The following NUMB variants were observed in gnomAD, a reference collection of about 807,000 sequenced individuals.
The protein encoded by NUMB is protein numb homolog.
A neutral mutation model predicts 59.7 loss-of-function variants in NUMB; 29 were observed. The observed-to-expected ratio is 0.49, with a 90% confidence interval of 0.36 to 0.66. The LOEUF (loss-of-function observed/expected upper bound fraction) is 0.66. Among genes scored for constraint, NUMB ranks in the 30% least tolerant of loss-of-function variants. NUMB has a pLI of 0.00. For missense variants in NUMB, 723 were observed against 822.0 expected, an observed-to-expected ratio of 0.88 and a Z score of 1.47; for synonymous variants, 288 against 288.2, an observed-to-expected ratio of 1.00 and a Z score of 0.01.
chr14:73,311,937 T>C (rs557472499), intron 6 of NUMB, among the ~76,000 whole-genome samples: 58 of 152,236 alleles, frequency 3.8e-4, no homozygotes, highest in African/African-American at 1.4e-3. Context: ...ATTCAAAAGA[T>C]TCCAAATTAA....
At chr14:73,450,616 G>A (rs61987087) in intron 1 of NUMB, among the ~76,000 whole-genome samples, 23,763 of 151,880 alleles carry the variant, frequency 0.16, 2,681 homozygotes, top group Non-Finnish European at 0.23. Context: ...CCAATATGGC[G>A]GAACCCTGTT....
chr14:73,348,201 T>C (rs549194356), intron 4 of NUMB, among the ~76,000 whole-genome samples: 211 of 152,266 alleles, frequency 1.4e-3, no homozygotes, highest in Middle Eastern at 3.4e-3. Context: ...ATATGGAAAA[T>C]ACATTCCAAA....
chr14:73,393,680 T>C (rs996526200), intron 2 of NUMB, among the ~76,000 whole-genome samples: 24 of 152,350 alleles, frequency 1.6e-4, no homozygotes, highest in African/African-American at 5.8e-4. Flanking sequence ...CAATGAAATA[T>C]GGCAAACCTG....
At chr14:73,441,499 A>T (rs1883064402) in intron 1 of NUMB, among the ~76,000 whole-genome samples, 1 of 151,964 alleles carries the variant, frequency 6.6e-6, no homozygotes, top group African/African-American at 2.4e-5. Flanking sequence ...ATCACGCCAC[A>T]CACTCCAGCC....
At position 73,275,638 on chromosome 14, in the gene NUMB, G is replaced by C. The variant is rs1888102810; in HGVS notation, c.*940C>G. 1 of 152,124 alleles carries C rather than the reference G, an allele frequency of 6.6e-6. No individual in the cohort carries two copies. Among genetic ancestry groups the C allele is most frequent in the African/African-American group, 2.4e-5 (1 of 41,418 alleles). 9.4% of individuals were successfully genotyped at this position (152,124 alleles called of 1,614,324 possible). On this transcript the variant is annotated 3_prime_UTR_variant, in exon 13 of 13. Transcript: ENST00000555238. The stretch of plus-strand genomic sequence containing the variant: ...ATTCTCTATAGAGCATATTTCGATT[G>C]ATTCCATTAAAATAATGACATTAGA...
chr14:73,292,645 TGTA>T (rs1474498461), intron 8 of NUMB, 86 bp downstream of exon 8: 5 of 1,320,182 alleles, frequency 3.8e-6, no homozygotes, highest in Non-Finnish European at 5.2e-6. Context: ...TTGTTAAAAA[TGTA>T]GTAGAAACCG....
intron 1 of NUMB, among the ~76,000 whole-genome samples, chr14:73,433,733 AAT>A (rs1298714138): frequency 6.6e-6 from 1 of 152,166 alleles, no homozygotes. Context: ...TCACCCCTGA[AAT>A]ATATGACAGG....
At chr14:73,300,580 G>A (rs1238992478) in intron 6 of NUMB, among the ~76,000 whole-genome samples, 1 of 152,040 alleles carries the variant, frequency 6.6e-6, no homozygotes, top group Non-Finnish European at 1.5e-5. Context: ...ATCAAAGGCA[G>A]GTTAATTTAA....
chr14:73,416,608 A>C (rs1406536717), intron 1 of NUMB, among the ~76,000 whole-genome samples: 1 of 152,160 alleles, frequency 6.6e-6, no homozygotes, highest in Non-Finnish European at 1.5e-5. Context: ...TGGGAGGCCA[A>C]GGAGGGAGGA....
intron 5 of NUMB, among the ~76,000 whole-genome samples, chr14:73,317,787 A>C (rs959739942): frequency 1.3e-5 from 2 of 152,254 alleles, no homozygotes; most frequent in African/African-American, 2.4e-5. Context: ...GTTTGAACTC[A>C]CACAAGCTAG....
chr14:73,288,230 A>G (rs1889141370), intron 8 of NUMB, among the ~76,000 whole-genome samples: 1 of 151,594 alleles, frequency 6.6e-6, no homozygotes, highest in African/African-American at 2.4e-5. Flanking sequence ...CCTGGATAAC[A>G]CAGTGAGACT....
intron 6 of NUMB, among the ~76,000 whole-genome samples, chr14:73,302,679 T>C (rs1330632431): frequency 6.6e-6 from 1 of 152,100 alleles, no homozygotes; most frequent in Non-Finnish European, 1.5e-5. Flanking sequence ...CTCAAAGTGC[T>C]GGGATTACAG....
At position 73,436,347 on chromosome 14, in the gene NUMB, C is replaced by G. The variant is rs117182219; in HGVS notation, c.-233+22146G>C. On this transcript the variant is annotated intron_variant, in intron 1 of 12. Coordinates refer to ENST00000555238, the MANE Select transcript of NUMB (RefSeq NM_001005743.2). Reference sequence around the variant, plus strand: ...TGTTTTGTTTTTGTTGACGGAGTCCCACTCTGTCGCCCAGGATGGACCACA... The same window carrying G: ...TGTTTTGTTTTTGTTGACGGAGTCCGACTCTGTCGCCCAGGATGGACCACA... Among the ~76,000 whole-genome samples, 22 of 152,134 alleles carry G rather than the reference C, an allele frequency of 1.4e-4. No individual in the cohort carries two copies. The East Asian group carries it at 4.3e-3, about 30-fold the overall frequency.
chr14:73,364,462 C>A (rs1241864346), intron 3 of NUMB, among the ~76,000 whole-genome samples: 2 of 152,000 alleles, frequency 1.3e-5, no homozygotes, highest in African/African-American at 4.8e-5. Flanking sequence ...TGAGATTGCA[C>A]CACTGCACTC....
chr14:73,379,577 C>G (rs1895131365), intron 2 of NUMB, among the ~76,000 whole-genome samples: 1 of 152,094 alleles, frequency 6.6e-6, no homozygotes, highest in Non-Finnish European at 1.5e-5. Context: ...GGAGGCGGCT[C>G]TTCTAAATAA....
At chr14:73,304,343 T>C (rs1890308621) in intron 6 of NUMB, among the ~76,000 whole-genome samples, 1 of 152,140 alleles carries the variant, frequency 6.6e-6, no homozygotes, top group Non-Finnish European at 1.5e-5. Flanking sequence ...CAGGGTCTTA[T>C]TCTGACACCC....
intron 2 of NUMB, among the ~76,000 whole-genome samples, chr14:73,387,728 A>G (rs1486989533): frequency 7.5e-5 from 11 of 146,214 alleles, no homozygotes; most frequent in Non-Finnish European, 3.0e-5. Context: ...GCAATACCCA[A>G]TCTCAAAAAA....
chr14:73,287,575 G>T (rs1889102286), intron 8 of NUMB, among the ~76,000 whole-genome samples: 1 of 151,876 alleles, frequency 6.6e-6, no homozygotes, highest in Admixed American at 6.6e-5. Flanking sequence ...ATGGGGTTTT[G>T]CTATGTTGGG....
intron 1 of NUMB, among the ~76,000 whole-genome samples, chr14:73,440,280 T>TAC (rs1203631117): frequency 6.8e-6 from 1 of 147,918 alleles, no homozygotes; most frequent in Non-Finnish European, 1.5e-5. Context: ...CATATATATA[T>TAC]ACACATCCAT....
Sources: allele counts gnomAD v4.1 joint callset (sites outside exome capture counted in the v4.1 genomes callset), GRCh38; gene constraint gnomAD v4.1.1; transcripts MANE v1.5; gene names NCBI Gene and HGNC (gene_info 2026-07-23, HGNC 2026-07-21).